The following ARHGEF38 variants were observed in gnomAD, a reference collection of about 807,000 sequenced individuals.
ARHGEF38 encodes Rho guanine nucleotide exchange factor (GEF) 38.
Under a neutral mutation model 79.9 loss-of-function variants are expected in ARHGEF38, and 79 were observed. That is an observed-to-expected ratio of 0.99 (90% CI 0.82 to 1.19). ARHGEF38 has a LOEUF of 1.19. ARHGEF38 is among the 50% of genes most tolerant of loss of function. The probability of loss-of-function intolerance (pLI) is 0.00; values close to 1 mark genes in which losing one functional copy is unlikely to be tolerated. For synonymous variants in ARHGEF38, 366 were observed against 328.3 expected (o/e 1.11, Z -1.24); for missense variants, 962 against 907.2 (o/e 1.06, Z -0.78).
chr4:105,669,193 G>A (rs1308052669), intron 13 of ARHGEF38, among the ~76,000 whole-genome samples: 5 of 151,922 alleles, frequency 3.3e-5, no homozygotes, highest in African/African-American at 9.7e-5. Flanking sequence ...TAGCATGTAT[G>A]GTATATAGGG....
Position 105,655,801 on chromosome 4 carries a change from G to A in ARHGEF38, c.1233+79G>A, listed in dbSNP as rs1054858048. 4.2e-6 allele frequency: 6 copies of A among 1,425,526 alleles called. No homozygotes were observed. In the African/African-American group the frequency reaches 4.3e-5, roughly 10 times the overall value. 88.3% of individuals were successfully genotyped at this position (1,425,526 alleles called of 1,614,324 possible). The stretch of plus-strand genomic sequence containing the variant: ...AAAGCTGCTTTTTGTTTGTTTTTCT[G>A]GAGTCAGAAATAAAACATGCACTAA... On this transcript the variant is annotated intron_variant, in intron 9 of 13. Coordinates refer to ENST00000420470, the MANE Select transcript of ARHGEF38 (RefSeq NM_001242729.2).
At position 105,563,342 on chromosome 4, in the gene ARHGEF38, G is replaced by C. The variant is rs562740497; in HGVS notation, c.196+10381G>C. ...AAGCCATTCCAGGCAGAGGGATTAT[G>C]CTGGTCCTCATACATGGAACAAGGT... On this transcript the variant is annotated intron_variant, in intron 1 of 13. Coordinates refer to ENST00000420470, the MANE Select transcript of ARHGEF38 (RefSeq NM_001242729.2). 2.6e-5 allele frequency: 4 copies of C among 152,336 alleles called. No individual in the cohort carries two copies. The East Asian group carries it at 5.8e-4, about 22-fold the overall frequency. 9.4% of individuals were successfully genotyped at this position (152,336 alleles called of 1,614,324 possible).
chr4:105,649,662 G>A (rs1168299191), intron 7 of ARHGEF38, among the ~76,000 whole-genome samples: 1 of 152,190 alleles, frequency 6.6e-6, no homozygotes, highest in African/African-American at 2.4e-5. Flanking sequence ...ACAAGAGGCA[G>A]CTGTATGGTG....
intron 6 of ARHGEF38, 67 bp downstream of exon 6, chr4:105,645,454 T>A: frequency 4.5e-6 from 6 of 1,323,864 alleles, no homozygotes; most frequent in Non-Finnish European, 6.0e-6. Flanking sequence ...TTTCTGAGAA[T>A]CAGAATGTTT....
chr4:105,662,978 A>G (rs901596384), intron 10 of ARHGEF38, among the ~76,000 whole-genome samples: 1 of 152,126 alleles, frequency 6.6e-6, no homozygotes, highest in African/African-American at 2.4e-5. Context: ...CATTTTGGAG[A>G]AGTTATCCTC....
At position 105,679,732 on chromosome 4, in the gene ARHGEF38, T is replaced by A; in HGVS notation, c.*1795T>A. 1.2e-6 allele frequency: 1 copy of A among 822,706 alleles called. No homozygotes were observed. Among genetic ancestry groups the A allele is most frequent in the Non-Finnish European group, 2.1e-6 (1 of 467,748 alleles). 51.0% of individuals were successfully genotyped at this position (822,706 alleles called of 1,614,324 possible). Reference sequence around the variant, plus strand: ...AGTAATTTGTGTTTTTTGTTCCACATGTCTTAGTTGACCTTTCTCTTGGTT... The same window carrying A: ...AGTAATTTGTGTTTTTTGTTCCACAAGTCTTAGTTGACCTTTCTCTTGGTT... On this transcript the variant is annotated 3_prime_UTR_variant, in exon 14 of 14. Coordinates refer to ENST00000420470, the MANE Select transcript of ARHGEF38 (RefSeq NM_001242729.2).
intron 1 of ARHGEF38, among the ~76,000 whole-genome samples, chr4:105,558,388 TG>T (rs1302686525): frequency 1.3e-5 from 2 of 152,206 alleles, no homozygotes; most frequent in Admixed American, 1.3e-4. Flanking sequence ...AAACCCTTTT[TG>T]TTCGTGTCTG....
chr4:105,598,688 C>CAAAG (rs928534420), intron 2 of ARHGEF38, among the ~76,000 whole-genome samples: 1 of 149,698 alleles, frequency 6.7e-6, no homozygotes, highest in Non-Finnish European at 1.5e-5. Flanking sequence ...TTTTTTTAAT[C>CAAAG]AAAGACTTGA....
At chr4:105,590,331 G>T (rs17324954) in intron 2 of ARHGEF38, among the ~76,000 whole-genome samples, 7,554 of 152,104 alleles carry the variant, frequency 0.05, 232 homozygotes, top group Middle Eastern at 0.14. Context: ...CATCATTAGG[G>T]TTGTAAATAC....
At chr4:105,593,698 C>T (rs755681152) in intron 2 of ARHGEF38, among the ~76,000 whole-genome samples, 7 of 152,154 alleles carry the variant, frequency 4.6e-5, no homozygotes, top group Non-Finnish European at 7.3e-5. Context: ...AAACTAGCCC[C>T]GCTAAAATGA....
chr4:105,641,725 AT>A (rs70941205), intron 5 of ARHGEF38, among the ~76,000 whole-genome samples: 10 of 151,078 alleles, frequency 6.6e-5, no homozygotes, highest in Admixed American at 1.3e-4. Context: ...TGAATATCTA[AT>A]TTTTTTTTGT....
At chr4:105,579,572 G>C (rs1045613709) in intron 1 of ARHGEF38, among the ~76,000 whole-genome samples, 1 of 152,114 alleles carries the variant, frequency 6.6e-6, no homozygotes, top group African/African-American at 2.4e-5. Context: ...TGCATCCCAG[G>C]GATGAAGCCT....
Position 105,572,537 on chromosome 4 carries a change from C to T in ARHGEF38, c.197-16711C>T, listed in dbSNP as rs72967287. On this transcript the variant is annotated intron_variant, in intron 1 of 13. Coordinates refer to ENST00000420470, the MANE Select transcript of ARHGEF38 (RefSeq NM_001242729.2). The stretch of plus-strand genomic sequence containing the variant: ...AAACTCTGTAACTATTAAACAATAA[C>T]TCTCTCTTCCCCCCAATCCTCAGCC... Among the ~76,000 whole-genome samples, 791 of 152,236 alleles carry T rather than the reference C, an allele frequency of 5.2e-3. 10 individuals are homozygous for T. The highest frequency in any genetic ancestry group is 0.018 in the African/African-American group (748 of 41,546).
chr4:105,553,198 C>CT lies in ARHGEF38; in HGVS notation c.196+247dup, dbSNP rs528621926. ...TTACTCTTAATATTGCTGTGTTTTT[C>CT]TTTTTTTTTTCCTGGTGAGGGTAAT... On this transcript the variant is annotated intron_variant, in intron 1 of 13. Coordinates refer to ENST00000420470, the MANE Select transcript of ARHGEF38 (RefSeq NM_001242729.2). 1.0e-2 allele frequency among the ~76,000 whole-genome samples: 1,491 copies of CT among 149,318 alleles called. 20 individuals are homozygous for CT. Among genetic ancestry groups the CT allele is most frequent in the Middle Eastern group, 0.062 (18 of 290 alleles).
At chr4:105,569,234 A>G (rs952108724) in intron 1 of ARHGEF38, among the ~76,000 whole-genome samples, 1 of 152,212 alleles carries the variant, frequency 6.6e-6, no homozygotes, top group Non-Finnish European at 1.5e-5. Flanking sequence ...TTTGGGGTAA[A>G]TGATTCAGAT....
rs1730463713 is a variant in ARHGEF38, at chr4:105,659,239, T to C, written c.1419T>C (p.Leu473=). 1 of 1,536,094 alleles carries C rather than the reference T, an allele frequency of 6.5e-7. No homozygotes were observed. The highest frequency in any genetic ancestry group is 1.2e-5 in the South Asian group (1 of 84,064). The change falls in exon 10 of 14, where the codon CTT becomes CTC. Residue 473 remains leucine (L), a synonymous_variant. Coordinates refer to ENST00000420470, the MANE Select transcript of ARHGEF38 (RefSeq NM_001242729.2). ...KKEYEALNAQ[L]VEELQAFNQA... is the part of the protein sequence containing the mutation. Reference sequence around the variant, plus strand: ...AGTATGAGGCCCTCAACGCCCAGCTTGTGGAGGAGCTCCAGGCATTCAACC... The same window carrying C: ...AGTATGAGGCCCTCAACGCCCAGCTCGTGGAGGAGCTCCAGGCATTCAACC...
In ARHGEF38 at chr4:105,630,880, T is replaced by C. The variant is rs911777052; in HGVS notation, c.509-18T>C. On this transcript the variant is annotated intron_variant, in intron 3 of 13. Coordinates refer to ENST00000420470, the MANE Select transcript of ARHGEF38 (RefSeq NM_001242729.2). Reference sequence around the variant, plus strand: ...TTTGTCTGATGATGTCATTTTGCCTTTGTTTTGCATTTATCAGGAGAAGTA... The same window carrying C: ...TTTGTCTGATGATGTCATTTTGCCTCTGTTTTGCATTTATCAGGAGAAGTA... 2 of 1,586,306 alleles carry C rather than the reference T, an allele frequency of 1.3e-6. No individual in the cohort carries two copies. The highest frequency in any genetic ancestry group is 2.7e-5 in the African/African-American group (2 of 73,322).
chr4:105,635,987 AC>A (rs1427477133), intron 4 of ARHGEF38, among the ~76,000 whole-genome samples: 1 of 152,088 alleles, frequency 6.6e-6, no homozygotes, highest in African/African-American at 2.4e-5. Context: ...ATGGAAAAAA[AC>A]TTATTAAATC....
rs1727044677 is a variant in ARHGEF38, at chr4:105,586,289, G to A, written c.197-2959G>A. On this transcript the variant is annotated intron_variant, in intron 1 of 13. Transcript: ENST00000420470. ...CTGACCATAAAATGATGCAAGTGAA[G>A]TTTTTGTTCCTACAATAAACTTGAG... Among the ~76,000 whole-genome samples the A allele has an allele frequency of 2.0e-5, 3 of 151,684 alleles. No individual in the cohort carries two copies. In the South Asian group the frequency reaches 6.2e-4, roughly 31 times the overall value.
Sources: gnomAD v4.1 joint callset for allele counts (sites outside exome capture counted in the v4.1 genomes callset) on GRCh38, gnomAD v4.1.1 for gene constraint, MANE v1.5 for transcripts, NCBI Gene and HGNC (gene_info 2026-07-23, HGNC 2026-07-21) for gene names.